FRMD4A: variants seen among roughly 807,000 people sequenced by gnomAD.
The protein encoded by FRMD4A is FERM domain-containing protein 4A.
In FRMD4A, 29 loss-of-function variants were observed where a neutral mutation model predicts 129.1. That is an observed-to-expected ratio of 0.22 (90% confidence interval 0.17 to 0.31). The LOEUF (loss-of-function observed/expected upper bound fraction) is 0.31. FRMD4A is among the 10% of genes least tolerant of loss of function. FRMD4A has a pLI of 1.00. For missense variants in FRMD4A, 1,272 were observed against 1,375.8 expected (o/e 0.92, Z 1.19); for synonymous variants, 634 against 571.6 (o/e 1.11, Z -1.56).
chr10:14,167,343 C>T (rs187551452), intron 2 of FRMD4A, among the ~76,000 whole-genome samples: 1 of 151,896 alleles, frequency 6.6e-6, no homozygotes, highest in Admixed American at 6.5e-5. Flanking sequence ...ACCAGCCTGG[C>T]CAACATGGGG....
intron 2 of FRMD4A, among the ~76,000 whole-genome samples, chr10:14,161,557 A>C (rs544758902): frequency 6.6e-6 from 1 of 152,370 alleles, no homozygotes; most frequent in Non-Finnish European, 1.5e-5. Context: ...GAAATAAGCC[A>C]GGCACAGAAA....
At chr10:13,693,861 T>C (rs967966003) in intron 15 of FRMD4A, 37 bp downstream of exon 15, 1 of 1,607,144 alleles carries the variant, frequency 6.2e-7, no homozygotes, top group Non-Finnish European at 8.5e-7. Context: ...GTCCCAGCCA[T>C]GCTCAGGGGG....
intron 6 of FRMD4A, among the ~76,000 whole-genome samples, chr10:13,775,611 C>T (rs572610886): frequency 4.6e-5 from 7 of 152,194 alleles, no homozygotes; most frequent in South Asian, 2.1e-4. Context: ...ACTCCGGATC[C>T]GGGAAAGAGA....
intron 22 of FRMD4A, among the ~76,000 whole-genome samples, chr10:13,656,191 CCA>C (rs1317520198): frequency 6.6e-6 from 1 of 152,176 alleles, no homozygotes; most frequent in Non-Finnish European, 1.5e-5. Flanking sequence ...GAGACACTGG[CCA>C]AATCTCTAGG....
chr10:13,840,208 T>C (rs1252923257), intron 3 of FRMD4A, among the ~76,000 whole-genome samples: 2 of 152,098 alleles, frequency 1.3e-5, no homozygotes, highest in Non-Finnish European at 2.9e-5. Context: ...TCAGGTTACA[T>C]GAGGTCATAT....
chr10:14,108,789 A>T (rs1411311250), intron 2 of FRMD4A, among the ~76,000 whole-genome samples: 1 of 152,202 alleles, frequency 6.6e-6, no homozygotes, highest in Non-Finnish European at 1.5e-5. Flanking sequence ...AAGGGCAGGG[A>T]TAAAATGAAA....
chr10:13,985,060 C>T (rs1025811184), intron 2 of FRMD4A, among the ~76,000 whole-genome samples: 3 of 152,240 alleles, frequency 2.0e-5, no homozygotes, highest in Admixed American at 6.5e-5. Context: ...AGTGGCTTAG[C>T]CTCATGAGCC....
At chr10:14,269,723 C>A (rs1050596787) in intron 2 of FRMD4A, among the ~76,000 whole-genome samples, 4 of 152,216 alleles carry the variant, frequency 2.6e-5, no homozygotes, top group Admixed American at 2.6e-4. Flanking sequence ...TTTGTGAGGT[C>A]CCTATGATGG....
intron 2 of FRMD4A, among the ~76,000 whole-genome samples, chr10:14,054,575 C>A (rs1834419769): frequency 6.6e-6 from 1 of 152,162 alleles, no homozygotes. Context: ...TATTTGATAC[C>A]TGGGCAGTGT....
chr10:14,260,926 C>T (rs1334202241), intron 2 of FRMD4A, among the ~76,000 whole-genome samples: 1 of 152,210 alleles, frequency 6.6e-6, no homozygotes, highest in Non-Finnish European at 1.5e-5. Flanking sequence ...CCACTAACTC[C>T]ATTGGGCACA....
chr10:14,143,446 G>A (rs1430607590), intron 2 of FRMD4A, among the ~76,000 whole-genome samples: 2 of 152,234 alleles, frequency 1.3e-5, no homozygotes, highest in Non-Finnish European at 2.9e-5. Flanking sequence ...CATAGACACA[G>A]CAAGTTGAAT....
chr10:14,163,824 G>T (rs1351828760), intron 2 of FRMD4A, among the ~76,000 whole-genome samples: 1 of 152,192 alleles, frequency 6.6e-6, no homozygotes, highest in Non-Finnish European at 1.5e-5. Flanking sequence ...CACTCCTCTT[G>T]CTTCCCGAGT....
intron 16 of FRMD4A, among the ~76,000 whole-genome samples, chr10:13,673,356 C>T (rs2083675666): frequency 6.6e-6 from 1 of 152,220 alleles, no homozygotes; most frequent in African/African-American, 2.4e-5. Flanking sequence ...GTAATGTGAT[C>T]TCACTCCACG....
chr10:14,170,849 C>T (rs1589121479), intron 2 of FRMD4A, among the ~76,000 whole-genome samples: 1 of 151,726 alleles, frequency 6.6e-6, no homozygotes, highest in African/African-American at 2.4e-5. Context: ...CTCTTTTCTT[C>T]CCCTCCCTTC....
Position 13,902,839 on chromosome 10 carries a change from CAA to C in FRMD4A, c.46-43929_46-43928del, listed in dbSNP as rs113445035. Reference sequence around the variant, plus strand: ...TGGATGACAGAGTGAGATGCAGTCTCAAAAAAAAAAAAAAAAAACAACAACAA... The same window carrying C: ...TGGATGACAGAGTGAGATGCAGTCTCAAAAAAAAAAAAAAAACAACAACAA... On this transcript the variant is annotated intron_variant, in intron 2 of 24. Coordinates refer to ENST00000357447, the MANE Select transcript of FRMD4A (RefSeq NM_018027.5). Among the ~76,000 whole-genome samples the C allele has an allele frequency of 0.018, 1,773 of 97,132 alleles. 80 individuals carry two copies. The East Asian group carries it at 0.2, about 11-fold the overall frequency. 63.7% of individuals were successfully genotyped at this position (97,132 alleles called of 152,430 possible). A position where few individuals can be genotyped will look rare whatever the true frequency, so the allele number is the denominator to read the frequency against.
chr10:13,855,828 G>C (rs1403692493), intron 3 of FRMD4A, among the ~76,000 whole-genome samples: 2 of 152,062 alleles, frequency 1.3e-5, no homozygotes, highest in African/African-American at 4.8e-5. Context: ...CCAACAGATA[G>C]AATCCTGGGC....
At chr10:14,073,445 C>T (rs2131719851) in intron 2 of FRMD4A, among the ~76,000 whole-genome samples, 1 of 152,176 alleles carries the variant, frequency 6.6e-6, no homozygotes, top group African/African-American at 2.4e-5. Context: ...CTTAATCTGC[C>T]CATCAGTCTT....
At position 13,660,595 on chromosome 10, in the gene FRMD4A, C is replaced by G. The variant is rs754938475; in HGVS notation, c.1661-42G>C. ...AGAGAGGAACTGAGCCCCGGTCATCCTTCCCACAGGCTGAGACAGAACCCC... is the reference window on the plus strand; with the variant it reads ...AGAGAGGAACTGAGCCCCGGTCATCGTTCCCACAGGCTGAGACAGAACCCC... On this transcript the variant is annotated intron_variant, in intron 19 of 24. Transcript: ENST00000357447. 11 of 1,290,112 alleles carry G rather than the reference C, an allele frequency of 8.5e-6. No homozygotes were observed. In the African/African-American group the frequency reaches 1.6e-4, roughly 19 times the overall value. The allele number at this position is 1,290,112 out of a possible 1,614,324, so 79.9% of individuals were successfully genotyped here. A position where few individuals can be genotyped will look rare whatever the true frequency, so the allele number is the denominator to read the frequency against.
At chr10:13,761,302 G>C (rs1184736981) in intron 8 of FRMD4A, among the ~76,000 whole-genome samples, 3 of 152,190 alleles carry the variant, frequency 2.0e-5, no homozygotes, top group Non-Finnish European at 4.4e-5. Context: ...GGACTGACAG[G>C]TTATCTGCAA....
Sources: allele counts gnomAD v4.1 joint callset (sites outside exome capture counted in the v4.1 genomes callset), GRCh38; gene constraint gnomAD v4.1.1; transcripts MANE v1.5; gene names NCBI Gene and HGNC (gene_info 2026-07-23, HGNC 2026-07-21).